Variants in CDKL4 observed in about 807,000 individuals in gnomAD.
CDKL4 encodes the protein cyclin dependent kinase like 4.
In CDKL4, 44 loss-of-function variants were observed where a neutral mutation model predicts 42.0. The observed-to-expected ratio is 1.05, with a 90% confidence interval of 0.82 to 1.35. The LOEUF (loss-of-function observed/expected upper bound fraction) is 1.35, where lower values mean the gene tolerates loss of function less well. Among genes scored for constraint, CDKL4 ranks in the 40% most tolerant of loss-of-function variants. CDKL4 has a pLI of 0.00. For synonymous variants in CDKL4, 120 were observed against 121.6 expected, an observed-to-expected ratio of 0.99 and a Z score of 0.09; for missense variants, 393 against 369.9, an observed-to-expected ratio of 1.06 and a Z score of -0.51.
intron 8 of CDKL4, among the ~76,000 whole-genome samples, chr2:39,183,852 T>C (rs989811962): frequency 6.6e-6 from 1 of 152,082 alleles, no homozygotes; most frequent in African/African-American, 2.4e-5. Context: ...GTTGAAGCAC[T>C]CCAGCACTCT....
intron 4 of CDKL4, among the ~76,000 whole-genome samples, chr2:39,210,722 G>C (rs1677538148): frequency 6.6e-6 from 1 of 152,130 alleles, no homozygotes; most frequent in Non-Finnish European, 1.5e-5. Context: ...TAAAACTCCT[G>C]CAGCAACTTT....
At chr2:39,223,149 C>A (rs1009832097) in intron 3 of CDKL4, among the ~76,000 whole-genome samples, 1 of 152,062 alleles carries the variant, frequency 6.6e-6, no homozygotes, top group African/African-American at 2.4e-5. Flanking sequence ...GGGCTGGCTG[C>A]ATATTGTACT....
chr2:39,175,402 G>A (rs1037767205), downstream of CDKL4, among the ~76,000 whole-genome samples: 1 of 152,152 alleles, frequency 6.6e-6, no homozygotes, highest in Non-Finnish European at 1.5e-5. Context: ...TCTCTAGCTA[G>A]CTTTAAAAAT....
chr2:39,193,700 T>A (rs1300251066), intron 5 of CDKL4, among the ~76,000 whole-genome samples: 1 of 152,134 alleles, frequency 6.6e-6, no homozygotes, highest in Non-Finnish European at 1.5e-5. Context: ...TAAAGAAATT[T>A]ATGTTCTTTG....
At chr2:39,178,745 A>G (rs1675273304) in intron 9 of CDKL4, 6 of 1,605,506 alleles carry the variant, frequency 3.7e-6, no homozygotes, top group Non-Finnish European at 5.1e-6. Flanking sequence ...TAGGAAAGGC[A>G]GACTTAGGTG....
chr2:39,198,201 CA>C (rs1676633391), intron 5 of CDKL4, among the ~76,000 whole-genome samples: 1 of 140,988 alleles, frequency 7.1e-6, no homozygotes, highest in African/African-American at 2.6e-5. Flanking sequence ...TCATATCAGA[CA>C]AAACAGACTT....
upstream of CDKL4, among the ~76,000 whole-genome samples, chr2:39,244,308 G>C (rs1041351079): frequency 6.6e-6 from 1 of 152,250 alleles, no homozygotes; most frequent in African/African-American, 2.4e-5. Context: ...GGCTGCGCAC[G>C]GCGCTTGCGG....
chr2:39,202,714 A>AAAG (rs776464280), intron 5 of CDKL4, among the ~76,000 whole-genome samples: 59 of 152,316 alleles, frequency 3.9e-4, no homozygotes, highest in Admixed American at 1.3e-3. Context: ...AATGTAAGGT[A>AAAG]AAGGTCCAAC....
intron 1 of CDKL4, among the ~76,000 whole-genome samples, chr2:39,233,142 A>G (rs1425500381): frequency 1.4e-4 from 21 of 151,912 alleles, no homozygotes; most frequent in African/African-American, 4.6e-4. Flanking sequence ...AAACCTTGGC[A>G]GAACGCAAAG....
chr2:39,201,535 C>T (rs1482445369), intron 5 of CDKL4, among the ~76,000 whole-genome samples: 1 of 152,012 alleles, frequency 6.6e-6, no homozygotes. Context: ...TTTACAGCAG[C>T]ACATTTGCAA....
chr2:39,185,402 ATG>A (rs1249715466), intron 7 of CDKL4, among the ~76,000 whole-genome samples: 2,180 of 17,740 alleles, frequency 0.12, 728 homozygotes, highest in Non-Finnish European at 0.2. Flanking sequence ...ATATATACAT[ATG>A]TGTATATATA....
At chr2:39,196,647 A>ACCTAGG (rs1309757406) in intron 5 of CDKL4, among the ~76,000 whole-genome samples, 2 of 152,070 alleles carry the variant, frequency 1.3e-5, no homozygotes, top group East Asian at 3.9e-4. Flanking sequence ...TTGCTCTGTC[A>ACCTAGG]CCTAGGCTGG....
chr2:39,204,504 T>C lies in CDKL4; in HGVS notation c.454+23A>G, dbSNP rs764005664. ...TTTTATCATCATCTGAACTGGGTAT[T>C]AGTAAAAAAAATTGCTACTTACTCA... On this transcript the variant is annotated intron_variant, in intron 5 of 9. Coordinates refer to ENST00000451199, the Ensembl canonical transcript of CDKL4. 6 of 1,334,192 alleles carry C rather than the reference T, an allele frequency of 4.5e-6. No individual in the cohort carries two copies. The African/African-American group carries it at 6.1e-5, about 13-fold the overall frequency. 82.6% of individuals were successfully genotyped at this position (1,334,192 alleles called of 1,614,324 possible). A position where few individuals can be genotyped will look rare whatever the true frequency, so the allele number is the denominator to read the frequency against.
chr2:39,222,943 G>A (rs58269922), intron 3 of CDKL4, among the ~76,000 whole-genome samples: 5,228 of 152,084 alleles, frequency 0.034, 311 homozygotes, highest in African/African-American at 0.12. Context: ...GAATTAATAT[G>A]CCATTTTAAT....
chr2:39,231,867 T>C (rs998498571), intron 1 of CDKL4, among the ~76,000 whole-genome samples: 69 of 152,158 alleles, frequency 4.5e-4, no homozygotes, highest in African/African-American at 1.7e-3. Context: ...CAGTGAACTA[T>C]GATTGTACCA....
chr2:39,185,757 G>C (rs372638409), intron 7 of CDKL4, among the ~76,000 whole-genome samples: 2 of 151,796 alleles, frequency 1.3e-5, no homozygotes, highest in African/African-American at 4.8e-5. Context: ...CACCGCGCCT[G>C]GCTTTAAATA....
exon 10 of CDKL4, chr2:39,176,044 C>G (rs1273504913): frequency 4.2e-6 from 2 of 470,788 alleles, no homozygotes; most frequent in South Asian, 3.1e-5. Context: ...TTGTTTTCTT[C>G]CATCAGGTGT....
chr2:39,191,865 G>A (rs1676203671), intron 5 of CDKL4, among the ~76,000 whole-genome samples: 1 of 152,186 alleles, frequency 6.6e-6, no homozygotes, highest in East Asian at 1.9e-4. Flanking sequence ...TACAGAGGAG[G>A]AACAATTGGA....
At chr2:39,185,593 G>A (rs1468537157) in intron 7 of CDKL4, among the ~76,000 whole-genome samples, 1 of 150,570 alleles carries the variant, frequency 6.6e-6, no homozygotes, top group African/African-American at 2.4e-5. Context: ...CTCCCGAGTA[G>A]CTGGGACTAC....
Sources: gnomAD v4.1 joint callset for allele counts (sites outside exome capture counted in the v4.1 genomes callset) on GRCh38, gnomAD v4.1.1 for gene constraint, MANE v1.5 for transcripts, NCBI Gene and HGNC (gene_info 2026-07-23, HGNC 2026-07-21) for gene names.